Variants in EPB41L4B observed in about 807,000 individuals in gnomAD.
EPB41L4B encodes band 4.1-like protein 4B.
In EPB41L4B, 30 loss-of-function variants were observed where a neutral mutation model predicts 112.5. That is an observed-to-expected ratio of 0.27 (90% CI 0.20 to 0.36). The LOEUF (loss-of-function observed/expected upper bound fraction) is 0.36. EPB41L4B is among the 10% of genes least tolerant of loss of function. EPB41L4B has a pLI of 1.00. For synonymous variants in EPB41L4B, 408 were observed against 439.7 expected, an observed-to-expected ratio of 0.93 and a Z score of 0.90; for missense variants, 1,024 against 1,133.3, an observed-to-expected ratio of 0.90 and a Z score of 1.38.
At chr9:109,267,685 A>T (rs1835458765) in intron 3 of EPB41L4B, 134 bp from the exon 4 acceptor site, 1 of 605,482 alleles carries the variant, frequency 1.7e-6, no homozygotes, top group Non-Finnish European at 2.9e-6. Context: ...GGCACGCGAC[A>T]CTAGCCAATT....
At chr9:109,229,842 T>C (rs1467080151) in intron 15 of EPB41L4B, among the ~76,000 whole-genome samples, 1 of 152,178 alleles carries the variant, frequency 6.6e-6, no homozygotes, top group Admixed American at 6.5e-5. Flanking sequence ...TCAAGCAGCC[T>C]TGTCTGCTTG....
chr9:109,297,203 G>A (rs558204449), intron 1 of EPB41L4B, among the ~76,000 whole-genome samples: 3 of 140,284 alleles, frequency 2.1e-5, no homozygotes, highest in African/African-American at 7.9e-5. Flanking sequence ...CTGGGGGGGT[G>A]GGGGGGGATC....
chr9:109,192,064 C>G (rs1029639603), intron 22 of EPB41L4B, among the ~76,000 whole-genome samples: 1 of 152,124 alleles, frequency 6.6e-6, no homozygotes. Flanking sequence ...CCACAACTAC[C>G]CTCGGAGCAA....
At chr9:109,227,179 G>A (rs557761873) in intron 15 of EPB41L4B, among the ~76,000 whole-genome samples, 2 of 152,108 alleles carry the variant, frequency 1.3e-5, no homozygotes, top group South Asian at 4.2e-4. Context: ...TCCTATATCA[G>A]ACTGTCTTAA....
Position 109,247,791 on chromosome 9 carries a change from T to TAAAC in EPB41L4B, c.1311-6_1311-3dup, listed in dbSNP as rs760644996. On this transcript the variant is annotated splice_polypyrimidine_tract_variant and splice_region_variant and intron_variant, in intron 13 of 25. Coordinates refer to ENST00000374566, the MANE Select transcript of EPB41L4B (RefSeq NM_019114.5). ...TGGACTTCTGGATTTGTTTTAGAGC[T>TAAAC]AAACAAACAAACAAACAAAAAACAG... 22 of 1,494,142 alleles carry TAAAC rather than the reference T, an allele frequency of 1.5e-5. No individual in the cohort carries two copies. Among genetic ancestry groups the TAAAC allele is most frequent in the African/African-American group, 9.9e-5 (7 of 70,898 alleles). 92.6% of individuals were successfully genotyped at this position (1,494,142 alleles called of 1,614,324 possible).
At chr9:109,213,006 G>A (rs1257947520) in intron 17 of EPB41L4B, among the ~76,000 whole-genome samples, 2 of 152,222 alleles carry the variant, frequency 1.3e-5, no homozygotes, top group African/African-American at 4.8e-5. Context: ...ACTGGATCGA[G>A]AGTCAAGGGC....
At chr9:109,253,974 T>G (rs1419214395) in intron 11 of EPB41L4B, among the ~76,000 whole-genome samples, 2 of 152,242 alleles carry the variant, frequency 1.3e-5, no homozygotes, top group African/African-American at 2.4e-5. Context: ...AGGCAAACAT[T>G]ACTGATTTCA....
chr9:109,185,452 C>T, intron 23 of EPB41L4B, 37 bp downstream of exon 23: 1 of 1,589,656 alleles, frequency 6.3e-7, no homozygotes, highest in Non-Finnish European at 8.6e-7. Flanking sequence ...CACCTCACCT[C>T]TCCTGGCCAG....
intron 21 of EPB41L4B, 124 bp from the exon 22 acceptor site, chr9:109,192,479 C>A: frequency 1.7e-6 from 1 of 603,820 alleles, no homozygotes; most frequent in Non-Finnish European, 2.7e-6. Context: ...AATGACAATC[C>A]CCTTGTATTT....
In EPB41L4B at chr9:109,263,024, C is replaced by T. The variant is rs905365925; in HGVS notation, c.631+26G>A. 2.6e-6 allele frequency: 4 copies of T among 1,514,026 alleles called. No individual in the cohort carries two copies. The South Asian group carries it at 3.5e-5, about 13-fold the overall frequency. The allele number at this position is 1,514,026 out of a possible 1,614,324, so 93.8% of individuals were successfully genotyped here. On this transcript the variant is annotated intron_variant, in intron 6 of 25. Coordinates refer to ENST00000374566, the MANE Select transcript of EPB41L4B (RefSeq NM_019114.5). ...AATAAAAAGCAATAACATTAAAATG[C>T]TAATTACTACTAAAGATTAATGTAC...
intron 15 of EPB41L4B, chr9:109,240,175 T>C: frequency 1.0e-6 from 1 of 985,428 alleles, no homozygotes; most frequent in Non-Finnish European, 1.2e-6. Flanking sequence ...AGAATAATCT[T>C]TATTCCTTGG....
chr9:109,311,254 A>T (rs1837404010), intron 1 of EPB41L4B, among the ~76,000 whole-genome samples: 1 of 152,238 alleles, frequency 6.6e-6, no homozygotes, highest in Non-Finnish European at 1.5e-5. Context: ...GGGTAGGTGC[A>T]GCTCAGCAAG....
chr9:109,261,040 G>A (rs967747628), intron 6 of EPB41L4B, among the ~76,000 whole-genome samples: 1 of 152,200 alleles, frequency 6.6e-6, no homozygotes, highest in African/African-American at 2.4e-5. Context: ...CTACTGCTGG[G>A]CTGTCAAGCC....
intron 7 of EPB41L4B, among the ~76,000 whole-genome samples, chr9:109,257,458 G>A (rs1457015661): frequency 6.6e-6 from 1 of 152,150 alleles, no homozygotes; most frequent in Non-Finnish European, 1.5e-5. Context: ...ATGTAACACT[G>A]TACAGCACAC....
chr9:109,314,641 C>CCG (rs1554766780), intron 1 of EPB41L4B, among the ~76,000 whole-genome samples: 1 of 151,654 alleles, frequency 6.6e-6, no homozygotes. Flanking sequence ...CTCACCCCCC[C>CCG]CCACCTCAGC....
intron 15 of EPB41L4B, 117 bp downstream of exon 15, chr9:109,243,501 G>A: frequency 1.1e-6 from 1 of 870,610 alleles, no homozygotes; most frequent in Non-Finnish European, 1.8e-6. Context: ...CCATGACAAT[G>A]CATCCCTTAA....
chr9:109,203,401 C>G (rs753519426), intron 19 of EPB41L4B, among the ~76,000 whole-genome samples: 2 of 152,120 alleles, frequency 1.3e-5, no homozygotes, highest in Non-Finnish European at 2.9e-5. Context: ...CAATGTGAAG[C>G]CCACTTGCTT....
intron 1 of EPB41L4B, among the ~76,000 whole-genome samples, chr9:109,316,448 G>A (rs1837637891): frequency 6.6e-6 from 1 of 152,216 alleles, no homozygotes; most frequent in Non-Finnish European, 1.5e-5. Flanking sequence ...TCAACAGTGG[G>A]TGCCGCTGCC....
intron 20 of EPB41L4B, among the ~76,000 whole-genome samples, chr9:109,199,169 A>T (rs1311135077): frequency 1.3e-5 from 2 of 152,088 alleles, no homozygotes; most frequent in Non-Finnish European, 2.9e-5. Context: ...CATTTTGGGA[A>T]ATGGCTCCTC....
Sources: allele counts gnomAD v4.1 joint callset (sites outside exome capture counted in the v4.1 genomes callset), GRCh38; gene constraint gnomAD v4.1.1; transcripts MANE v1.5; gene names NCBI Gene and HGNC (gene_info 2026-07-23, HGNC 2026-07-21).